ADTRP: variants seen among roughly 807,000 people sequenced by gnomAD.
ADTRP encodes androgen-dependent TFPI-regulating protein.
In ADTRP, 20 loss-of-function variants were observed where a neutral mutation model predicts 27.0. The ratio of observed to expected loss-of-function variants is 0.74; its 90% confidence interval spans 0.52 to 1.08. The LOEUF (loss-of-function observed/expected upper bound fraction) is 1.08. Among genes scored for constraint, ADTRP ranks in the 50% least tolerant of loss-of-function variants. ADTRP has a pLI of 0.00. For synonymous variants in ADTRP, 101 were observed against 105.2 expected (o/e 0.96, Z 0.25); for missense variants, 251 against 275.0 (o/e 0.91, Z 0.62).
intron 3 of ADTRP, chr6:11,735,912 C>G (rs114551218): frequency 0.011 from 4,801 of 444,338 alleles, 54 homozygotes; most frequent in Middle Eastern, 0.027. Flanking sequence ...CTCACCCTCT[C>G]TCTGGTCCTG....
intron 1 of ADTRP, among the ~76,000 whole-genome samples, chr6:11,770,588 T>C (rs1763739171): frequency 6.6e-6 from 1 of 151,480 alleles, no homozygotes; most frequent in Non-Finnish European, 1.5e-5. Flanking sequence ...TCATGGGCCC[T>C]GGGGTGGAGG....
chr6:11,722,183 T>A (rs554984239), intron 5 of ADTRP, among the ~76,000 whole-genome samples: 1 of 152,148 alleles, frequency 6.6e-6, no homozygotes, highest in Non-Finnish European at 1.5e-5. Context: ...GATTGGGAAG[T>A]AATTTTTAGT....
At chr6:11,718,713 G>A (rs1296896227) in intron 5 of ADTRP, among the ~76,000 whole-genome samples, 1 of 152,244 alleles carries the variant, frequency 6.6e-6, no homozygotes, top group Non-Finnish European at 1.5e-5. Flanking sequence ...ACTGGTCCCA[G>A]TAACTGACTC....
chr6:11,772,239 T>A (rs766359929), intron 1 of ADTRP, among the ~76,000 whole-genome samples: 1 of 152,258 alleles, frequency 6.6e-6, no homozygotes, highest in Non-Finnish European at 1.5e-5. Flanking sequence ...CCTGAAATGC[T>A]GCTTCTGAGT....
chr6:11,768,170 A>C, intron 2 of ADTRP, 79 bp downstream of exon 2: 1 of 1,558,504 alleles, frequency 6.4e-7, no homozygotes, highest in East Asian at 2.3e-5. Context: ...ATGGGCTCCC[A>C]AACAGCTTGG....
At chr6:11,768,037 G>A (rs76859488) in intron 2 of ADTRP, among the ~76,000 whole-genome samples, 1 of 152,186 alleles carries the variant, frequency 6.6e-6, no homozygotes, top group South Asian at 2.1e-4. Context: ...AGCCTTTGCA[G>A]AGGTACAAAA....
In ADTRP at chr6:11,736,182, C is replaced by T. The variant is rs141178635; in HGVS notation, c.391-499G>A. On this transcript the variant is annotated intron_variant, in intron 3 of 5. Coordinates refer to ENST00000414691, the MANE Select transcript of ADTRP (RefSeq NM_032744.4). ...TTGGCCTCCCAAAGTGCTGGCTTGG[C>T]GGCTTGGCGTAAGTCACCGTGCCTG... is the stretch of plus-strand genomic sequence containing the variant. 5.7e-3 allele frequency: 929 copies of T among 161,902 alleles called. 12 individuals carry two copies. The highest frequency in any genetic ancestry group is 0.021 in the African/African-American group (886 of 41,714). The allele number at this position is 161,902 out of a possible 1,614,324, so 10.0% of individuals were successfully genotyped here.
chr6:11,747,316 G>A (rs190168775), intron 3 of ADTRP, among the ~76,000 whole-genome samples: 66 of 152,240 alleles, frequency 4.3e-4, no homozygotes, highest in Middle Eastern at 3.4e-3. Flanking sequence ...TGTACCAGGC[G>A]AGCTCTCCAG....
At chr6:11,768,202 C>T (rs752528588) in intron 2 of ADTRP, 47 bp downstream of exon 2, 165 of 1,608,178 alleles carry the variant, frequency 1.0e-4, no homozygotes, top group Non-Finnish European at 1.3e-4. Flanking sequence ...AAGCGTCTGT[C>T]CATATGCACA....
intron 3 of ADTRP, among the ~76,000 whole-genome samples, chr6:11,743,055 T>G (rs1160803000): frequency 6.6e-6 from 1 of 152,234 alleles, no homozygotes; most frequent in Non-Finnish European, 1.5e-5. Flanking sequence ...CCAGCCCTTC[T>G]GTATTTGCAA....
At chr6:11,743,654 C>T (rs1362603276) in intron 3 of ADTRP, among the ~76,000 whole-genome samples, 1 of 152,224 alleles carries the variant, frequency 6.6e-6, no homozygotes, top group East Asian at 1.9e-4. Context: ...ATGGAAACAA[C>T]TCAAGGCTTA....
At chr6:11,715,912 A>G (rs1019169949) in intron 5 of ADTRP, among the ~76,000 whole-genome samples, 3 of 141,542 alleles carry the variant, frequency 2.1e-5, no homozygotes, top group Non-Finnish European at 4.5e-5. Context: ...ACCACAAGGG[A>G]TCCTCCCATC....
intron 3 of ADTRP, among the ~76,000 whole-genome samples, chr6:11,757,532 T>A (rs1379861784): frequency 2.0e-5 from 3 of 152,180 alleles, no homozygotes; most frequent in Non-Finnish European, 4.4e-5. Context: ...ATTCCTGGAA[T>A]CTCAGAATGT....
chr6:11,760,615 T>A (rs181793764), intron 3 of ADTRP, among the ~76,000 whole-genome samples: 2 of 152,326 alleles, frequency 1.3e-5, no homozygotes, highest in East Asian at 3.9e-4. Context: ...AAAAACAATC[T>A]GCATAATGAA....
At chr6:11,725,738 A>G (rs555879187) in intron 4 of ADTRP, among the ~76,000 whole-genome samples, 2 of 152,176 alleles carry the variant, frequency 1.3e-5, no homozygotes, top group African/African-American at 2.4e-5. Flanking sequence ...TCTCTACTAA[A>G]TATACAAAAA....
intron 3 of ADTRP, among the ~76,000 whole-genome samples, chr6:11,741,092 G>C (rs9394285): frequency 0.32 from 48,195 of 152,020 alleles, 9,120 homozygotes; most frequent in Non-Finnish European, 0.43. Context: ...GGGGAGGAAG[G>C]GATTGGGGAG....
chr6:11,727,688 A>G (rs959722912), intron 4 of ADTRP, among the ~76,000 whole-genome samples: 2 of 152,188 alleles, frequency 1.3e-5, no homozygotes, highest in Non-Finnish European at 2.9e-5. Context: ...AGGTAAGCTA[A>G]TGAATTGTGT....
chr6:11,726,858 G>C (rs1479697013), intron 4 of ADTRP, among the ~76,000 whole-genome samples: 1 of 152,102 alleles, frequency 6.6e-6, no homozygotes, highest in Non-Finnish European at 1.5e-5. Context: ...TGTATCTAAG[G>C]AGGTGTCAAT....
At chr6:11,749,070 T>G (rs1342077576) in intron 3 of ADTRP, among the ~76,000 whole-genome samples, 1 of 152,190 alleles carries the variant, frequency 6.6e-6, no homozygotes, top group African/African-American at 2.4e-5. Flanking sequence ...ATGTTGTATT[T>G]AGGTGAGAAA....
Sources: allele counts gnomAD v4.1 joint callset (sites outside exome capture counted in the v4.1 genomes callset), GRCh38; gene constraint gnomAD v4.1.1; transcripts MANE v1.5; gene names NCBI Gene and HGNC (gene_info 2026-07-23, HGNC 2026-07-21).